The following XPNPEP1 variants were observed in gnomAD, a reference collection of about 807,000 sequenced individuals.
XPNPEP1 encodes xaa-Pro aminopeptidase 1.
A neutral mutation model predicts 92.4 loss-of-function variants in XPNPEP1; 39 were observed. The observed-to-expected ratio is 0.42, with a 90% confidence interval of 0.33 to 0.55. The LOEUF (loss-of-function observed/expected upper bound fraction) is 0.55. XPNPEP1 is among the 20% of genes least tolerant of loss of function. The pLI is 0.08. For synonymous variants in XPNPEP1, 307 were observed against 299.4 expected (o/e 1.03, Z -0.26); for missense variants, 654 against 856.1 (o/e 0.76, Z 2.95).
chr10:109,907,599 T>G (rs1849622382), intron 3 of XPNPEP1, 92 bp downstream of exon 3: 2 of 1,566,494 alleles, frequency 1.3e-6, no homozygotes, highest in Admixed American at 3.6e-5. Context: ...GTTGTGGCCC[T>G]GGTTGTGGGT....
intron 8 of XPNPEP1, 147 bp downstream of exon 8, chr10:109,886,099 T>C: frequency 1.4e-6 from 1 of 728,662 alleles, no homozygotes; most frequent in Non-Finnish European, 2.3e-6. Flanking sequence ...TTCATCCTAG[T>C]TGGCATCTCC....
At chr10:109,913,484 T>A (rs115739222) in intron 2 of XPNPEP1, among the ~76,000 whole-genome samples, 2,050 of 152,370 alleles carry the variant, frequency 0.013, 54 homozygotes, top group African/African-American at 0.046. Flanking sequence ...GGTAGTGGTT[T>A]GTTTCTCTGT....
chr10:109,869,656 G>A (rs1400792501), intron 19 of XPNPEP1, among the ~76,000 whole-genome samples: 1 of 152,172 alleles, frequency 6.6e-6, no homozygotes, highest in African/African-American at 2.4e-5. Context: ...GCAAGCATCA[G>A]CCTGAGGGTC....
intron 2 of XPNPEP1, among the ~76,000 whole-genome samples, chr10:109,909,292 A>G (rs1849730637): frequency 6.6e-6 from 1 of 152,052 alleles, no homozygotes; most frequent in Non-Finnish European, 1.5e-5. Context: ...TAAATAAAGT[A>G]TGGCGGGAGT....
intron 3 of XPNPEP1, among the ~76,000 whole-genome samples, chr10:109,895,788 C>T (rs2133465538): frequency 6.6e-6 from 1 of 152,364 alleles, no homozygotes; most frequent in East Asian, 1.9e-4. Flanking sequence ...TTTCTAATAG[C>T]AGCACTCAGT....
At chr10:109,880,784 G>C in intron 11 of XPNPEP1, 58 bp downstream of exon 11, 1 of 1,538,874 alleles carries the variant, frequency 6.5e-7, no homozygotes. Flanking sequence ...AGGAGGTGAA[G>C]GAGCCGGGCC....
intron 2 of XPNPEP1, among the ~76,000 whole-genome samples, chr10:109,910,780 T>C (rs1849825204): frequency 6.6e-6 from 1 of 152,208 alleles, no homozygotes. Context: ...TCATTTGGTG[T>C]TTTTGGTGTT....
chr10:109,867,385 A>G lies in XPNPEP1; in HGVS notation c.1872+1229T>C, dbSNP rs139020110. Among the ~76,000 whole-genome samples, 57 of 152,354 alleles carry G rather than the reference A, an allele frequency of 3.7e-4. No homozygotes were observed. Among genetic ancestry groups the G allele is most frequent in the Non-Finnish European group, 6.8e-4 (46 of 68,038 alleles). On this transcript the variant is annotated intron_variant, in intron 20 of 20. Coordinates refer to ENST00000502935, the MANE Select transcript of XPNPEP1 (RefSeq NM_020383.4). The surrounding 1 kb of genome is among the most constrained non-coding windows in gnomAD (Gnocchi z 4.5). ...TTTTCCATATCCATCTACAAGCTGC[A>G]TAACCCACCCGGTATCAGCAAGGCC... is the stretch of plus-strand genomic sequence containing the variant.
chr10:109,893,025 G>C lies in XPNPEP1; in HGVS notation c.297C>G (p.Phe99Leu). The C allele has an allele frequency of 6.2e-7, 1 of 1,613,754 alleles. No individual in the cohort carries two copies. The highest frequency in any genetic ancestry group is 8.5e-7 in the Non-Finnish European group (1 of 1,179,878). The change falls in exon 4 of 21, where the codon TTC (phenylalanine) becomes TTG (leucine). Residue 99 changes from phenylalanine (F) to leucine (L), a missense_variant. Phe to Leu is a conservative substitution (Grantham distance 22). Transcript: ENST00000502935. ...CDCRRAFVSG[F>L]DGSAGTAIIT... is the part of the protein sequence containing the mutation. ...GTAGTGACTCACCCGCAGAGCCATCGAATCCAGAGACAAAAGCCCGCCGAC... is the reference window on the plus strand; with the variant it reads ...GTAGTGACTCACCCGCAGAGCCATCCAATCCAGAGACAAAAGCCCGCCGAC...
At chr10:109,881,585 G>C (rs1042396820) in intron 10 of XPNPEP1, among the ~76,000 whole-genome samples, 2 of 152,216 alleles carry the variant, frequency 1.3e-5, no homozygotes, top group African/African-American at 4.8e-5. Context: ...GAGTCACACT[G>C]TGTGTGATGA....
intron 20 of XPNPEP1, among the ~76,000 whole-genome samples, chr10:109,868,200 T>C (rs1438490495): frequency 1.3e-5 from 2 of 152,184 alleles, no homozygotes; most frequent in South Asian, 4.1e-4. Flanking sequence ...TAATGTTTCA[T>C]GTAACACAAG....
chr10:109,869,764 A>T, intron 19 of XPNPEP1, 189 bp downstream of exon 19: 1 of 532,706 alleles, frequency 1.9e-6, no homozygotes, highest in Non-Finnish European at 3.3e-6. Context: ...ATATCTGGAG[A>T]AGAAGGCTCC....
At chr10:109,910,756 C>A (rs78586434) in intron 2 of XPNPEP1, among the ~76,000 whole-genome samples, 1 of 152,086 alleles carries the variant, frequency 6.6e-6, no homozygotes, top group African/African-American at 2.4e-5. Flanking sequence ...TTTAGGTGGA[C>A]GTAAGATTCC....
chr10:109,886,146 C>G, intron 8 of XPNPEP1, 100 bp downstream of exon 8: 1 of 1,194,078 alleles, frequency 8.4e-7, no homozygotes, highest in Non-Finnish European at 1.2e-6. Context: ...TTCTTATTCC[C>G]TGGCCACTCA....
chr10:109,869,835 A>C, intron 19 of XPNPEP1, 118 bp downstream of exon 19: 3 of 1,011,184 alleles, frequency 3.0e-6, no homozygotes, highest in South Asian at 3.0e-5. Flanking sequence ...ATCTTCCCAC[A>C]CTAAGAAACA....
intron 2 of XPNPEP1, among the ~76,000 whole-genome samples, chr10:109,911,050 T>A (rs981383074): frequency 6.6e-6 from 1 of 152,220 alleles, no homozygotes; most frequent in African/African-American, 2.4e-5. Context: ...GTTATGGTGA[T>A]CTCCAATAGA....
chr10:109,865,271 C>T lies in XPNPEP1; in HGVS notation c.1914G>A (p.Val638=), dbSNP rs746467816. 5 of 1,614,200 alleles carry T rather than the reference C, an allele frequency of 3.1e-6. No homozygotes were observed. In the East Asian group the frequency reaches 1.1e-4, roughly 36 times the overall value. Residue 638 remains valine, a synonymous_variant, in exon 21 of 21, where the codon GTG becomes GTA. Transcript: ENST00000502935. The part of the protein sequence containing the change: ...LNNYHLTCRD[V]IGKELQKQGR... ...CCTGTTTCTGCAATTCCTTCCCAAT[C>T]ACATCCCTGCAGGTCAGGTGGTAAT...
intron 5 of XPNPEP1, among the ~76,000 whole-genome samples, chr10:109,890,550 T>TTGTGTGTGTG (rs768880431): frequency 2.6e-4 from 27 of 103,164 alleles, no homozygotes; most frequent in African/African-American, 5.9e-4. Context: ...ATGCCTGCCT[T>TTGTGTGTGTG]TGTGTGTGTG....
chr10:109,908,825 C>A (rs993353953), intron 2 of XPNPEP1, among the ~76,000 whole-genome samples: 4 of 152,002 alleles, frequency 2.6e-5, no homozygotes, highest in Non-Finnish European at 2.9e-5. Context: ...TTTTATAAAC[C>A]TTTTGTTAAA....
Sources: allele counts gnomAD v4.1 joint callset (sites outside exome capture counted in the v4.1 genomes callset), GRCh38; gene constraint gnomAD v4.1.1; non-coding constraint Gnocchi (gnomAD v3.1); transcripts MANE v1.5; gene names NCBI Gene and HGNC (gene_info 2026-07-23, HGNC 2026-07-21).